PAQR8: variants seen among roughly 807,000 people sequenced by gnomAD.
The protein encoded by PAQR8 is progestin and adipoQ receptor family member 8.
In PAQR8, 17 loss-of-function variants were observed where a neutral mutation model predicts 25.2. That is an observed-to-expected ratio of 0.67 (90% CI 0.46 to 1.01). The LOEUF (loss-of-function observed/expected upper bound fraction) is 1.01. PAQR8 is among the 50% of genes least tolerant of loss of function. PAQR8 has a pLI of 0.00. For synonymous variants in PAQR8, 204 were observed against 190.6 expected (o/e 1.07, Z -0.58); for missense variants, 392 against 448.4 (o/e 0.87, Z 1.14).
At chr6:52,402,631 AAAAAG>A (rs1233348428) in intron 1 of PAQR8, among the ~76,000 whole-genome samples, 13,234 of 139,490 alleles carry the variant, frequency 0.095, 538 homozygotes, top group Middle Eastern at 0.22. Flanking sequence ...AAAAAAAAAA[AAAAAG>A]AAAGAAAGAA....
rs992424479 is a variant in PAQR8, at chr6:52,403,154, T to C, written c.-52-8T>C. 9.0e-6 allele frequency: 13 copies of C among 1,448,836 alleles called. No individual in the cohort carries two copies. The highest frequency in any genetic ancestry group is 2.2e-4 in the Middle Eastern group (1 of 4,624). The allele number at this position is 1,448,836 out of a possible 1,614,324, so 89.7% of individuals were successfully genotyped here. A position where few individuals can be genotyped will look rare whatever the true frequency, so the allele number is the denominator to read the frequency against. On this transcript the variant is annotated splice_polypyrimidine_tract_variant and splice_region_variant and intron_variant, in intron 1 of 1. Coordinates refer to ENST00000442253, the MANE Select transcript of PAQR8 (RefSeq NM_133367.5). ...GCGGCTTTGCCAATTTTCCTTTCTT[T>C]TCTGCAGGTTGCATACCCTGTCCTG... is the stretch of plus-strand genomic sequence containing the variant.
At chr6:52,386,472 T>A (rs1251917691) in intron 1 of PAQR8, among the ~76,000 whole-genome samples, 1 of 152,180 alleles carries the variant, frequency 6.6e-6, no homozygotes, top group African/African-American at 2.4e-5. Flanking sequence ...CAACAGTGAA[T>A]TGAATAAAGA....
Position 52,400,579 on chromosome 6 carries a change from A to G in PAQR8, c.-52-2583A>G, listed in dbSNP as rs184959585. 1.2e-3 allele frequency among the ~76,000 whole-genome samples: 177 copies of G among 152,330 alleles called. 1 individual carries two copies. The highest frequency in any genetic ancestry group is 4.0e-3 in the African/African-American group (167 of 41,572). ...CAGATACTCCAGGCTTTCCAAGCCC[A>G]TATCTTGGCAGAAGTTCTTTGACCT... On this transcript the variant is annotated intron_variant, in intron 1 of 1. Transcript: ENST00000442253.
Position 52,403,199 on chromosome 6 carries a change from A to C in PAQR8, c.-15A>C, listed in dbSNP as rs747237352. On this transcript the variant is annotated 5_prime_UTR_variant, in exon 2 of 2. The change abolishes an upstream ATG in the 5' untranslated region. Transcript: ENST00000442253. The stretch of plus-strand genomic sequence containing the variant: ...GTCCTGAGGGCGCGGCACGGAGTGC[A>C]TGCGGGCCGCTGCCATGACGACCGC... The C allele has an allele frequency of 1.3e-6, 2 of 1,586,196 alleles. No homozygotes were observed. The highest frequency in any genetic ancestry group is 1.7e-6 in the Non-Finnish European group (2 of 1,161,978).
intron 1 of PAQR8, among the ~76,000 whole-genome samples, chr6:52,399,290 C>T (rs1763804057): frequency 6.6e-6 from 1 of 152,150 alleles, no homozygotes; most frequent in Non-Finnish European, 1.5e-5. Context: ...AAGGAACTGT[C>T]AGAGCTCTGC....
At position 52,406,195 on chromosome 6, in the gene PAQR8, T is replaced by G; in HGVS notation, c.*1917T>G. The G allele has an allele frequency of 3.7e-6, 1 of 270,906 alleles. No individual in the cohort carries two copies. The highest frequency in any genetic ancestry group is 7.3e-6 in the Non-Finnish European group (1 of 136,680). 16.8% of individuals were successfully genotyped at this position (270,906 alleles called of 1,614,324 possible). On this transcript the variant is annotated 3_prime_UTR_variant, in exon 2 of 2. Coordinates refer to ENST00000442253, the MANE Select transcript of PAQR8 (RefSeq NM_133367.5). ...AGGATGGGGGAATTGTGCAAATACG[T>G]TGTTAGTAGAAGGTCAATTTAAAAT...
intron 1 of PAQR8, among the ~76,000 whole-genome samples, chr6:52,383,978 T>TGGAAC (rs1763598596): frequency 6.6e-6 from 1 of 152,144 alleles, no homozygotes; most frequent in African/African-American, 2.4e-5. Context: ...TTATCACCAT[T>TGGAAC]AGTGTAACTG....
intron 1 of PAQR8, among the ~76,000 whole-genome samples, chr6:52,391,935 T>G (rs899504255): frequency 2.2e-4 from 34 of 152,212 alleles, no homozygotes; most frequent in African/African-American, 8.2e-4. Context: ...TGTTGGTGAT[T>G]CCAGCATGCT....
intron 1 of PAQR8, among the ~76,000 whole-genome samples, chr6:52,370,736 A>G (rs1167234347): frequency 6.6e-6 from 1 of 152,200 alleles, no homozygotes; most frequent in African/African-American, 2.4e-5. Context: ...TCAGAATAGT[A>G]TATGGTATGT....
At chr6:52,383,392 T>C (rs1320873731) in intron 1 of PAQR8, among the ~76,000 whole-genome samples, 3 of 152,188 alleles carry the variant, frequency 2.0e-5, no homozygotes, top group Admixed American at 6.5e-5. Flanking sequence ...CCGGGCGCGG[T>C]GGCTCACGCC....
intron 1 of PAQR8, among the ~76,000 whole-genome samples, chr6:52,382,672 T>C (rs531201999): frequency 2.6e-5 from 4 of 152,154 alleles, no homozygotes; most frequent in East Asian, 3.8e-4. Context: ...TATGTAGATA[T>C]AACTATAATT....
intron 1 of PAQR8, among the ~76,000 whole-genome samples, chr6:52,386,103 A>G (rs537366677): frequency 6.6e-6 from 1 of 152,370 alleles, no homozygotes; most frequent in African/African-American, 2.4e-5. Flanking sequence ...AATGCTCAAC[A>G]TCACTAATCA....
chr6:52,398,208 T>C (rs957421080), intron 1 of PAQR8, among the ~76,000 whole-genome samples: 14 of 121,698 alleles, frequency 1.2e-4, no homozygotes, highest in Non-Finnish European at 2.2e-4. Context: ...TTTTTTCTTT[T>C]TTTTTTTTTT....
chr6:52,365,638 A>G (rs1763343171), intron 1 of PAQR8, among the ~76,000 whole-genome samples: 2 of 152,186 alleles, frequency 1.3e-5, no homozygotes, highest in South Asian at 4.1e-4. Flanking sequence ...TTCCCAGGTA[A>G]TGATATTCCC....
At chr6:52,378,147 T>C (rs1763506681) in intron 1 of PAQR8, among the ~76,000 whole-genome samples, 1 of 152,234 alleles carries the variant, frequency 6.6e-6, no homozygotes, top group Non-Finnish European at 1.5e-5. Context: ...AAATGTTTTA[T>C]TTATTTAAGT....
At chr6:52,387,632 A>C (rs1373285144) in intron 1 of PAQR8, among the ~76,000 whole-genome samples, 2 of 152,244 alleles carry the variant, frequency 1.3e-5, no homozygotes, top group Non-Finnish European at 2.9e-5. Context: ...TCCCCAAATT[A>C]ATATGTTGAA....
intron 1 of PAQR8, among the ~76,000 whole-genome samples, chr6:52,397,815 C>T (rs1763783799): frequency 6.6e-6 from 1 of 152,112 alleles, no homozygotes; most frequent in Admixed American, 6.5e-5. Context: ...GAACAGAGGC[C>T]AGAAGTGAGG....
In PAQR8 at chr6:52,373,294, CCTT is replaced by C. The variant is rs570207766; in HGVS notation, c.-53+11049_-53+11051del. 2.8e-3 allele frequency among the ~76,000 whole-genome samples: 430 copies of C among 152,260 alleles called. 2 individuals are homozygous for C. In the Middle Eastern group the frequency reaches 0.044, roughly 16 times the overall value. ...AGCAAAACTGATAAAGCAGTCAAAC[CCTT>C]CTTGTGATAGTGTTTTAAATCTTGG... On this transcript the variant is annotated intron_variant, in intron 1 of 1. Transcript: ENST00000442253.
At chr6:52,392,025 C>G (rs867049243) in intron 1 of PAQR8, among the ~76,000 whole-genome samples, 4 of 152,102 alleles carry the variant, frequency 2.6e-5, no homozygotes, top group African/African-American at 9.7e-5. Flanking sequence ...ATAGATTACA[C>G]CCCCATCTTA....
Sources: allele counts gnomAD v4.1 joint callset (sites outside exome capture counted in the v4.1 genomes callset), GRCh38; gene constraint gnomAD v4.1.1; transcripts MANE v1.5; gene names NCBI Gene and HGNC (gene_info 2026-07-23, HGNC 2026-07-21).